Variants in ARHGEF38 observed in about 807,000 individuals in gnomAD.
ARHGEF38 encodes the protein Rho guanine nucleotide exchange factor 38, also known as Rho guanine nucleotide exchange factor (GEF) 38.
ARHGEF38 carries 79 observed loss-of-function variants against 79.9 expected under a neutral mutation model. The observed-to-expected ratio is 0.99, with a 90% CI of 0.82 to 1.19. The LOEUF is 1.19. Ranked by LOEUF, ARHGEF38 falls within the 50% of genes most tolerant of loss-of-function variation. The probability of loss-of-function intolerance (pLI) is 0.00; values close to 1 mark genes in which losing one functional copy is unlikely to be tolerated. For missense variants in ARHGEF38, 962 were observed against 907.2 expected, an observed-to-expected ratio of 1.06 and a Z score of -0.78; for synonymous variants, 366 against 328.3, an observed-to-expected ratio of 1.11 and a Z score of -1.24.
intron 5 of ARHGEF38, among the ~76,000 whole-genome samples, chr4:105,644,978 C>T (rs1578341908): frequency 6.6e-6 from 1 of 152,030 alleles, no homozygotes; most frequent in Admixed American, 6.6e-5. Context: ...GAAAGTTATA[C>T]TTGTTTCTTT....
intron 4 of ARHGEF38, among the ~76,000 whole-genome samples, chr4:105,635,205 C>T (rs1380385912): frequency 6.6e-6 from 1 of 152,018 alleles, no homozygotes. Context: ...TTAAATTCTT[C>T]CTTCCTGAAT....
intron 3 of ARHGEF38, among the ~76,000 whole-genome samples, chr4:105,624,985 C>T (rs28377155): frequency 0.035 from 5,367 of 152,294 alleles, 167 homozygotes; most frequent in African/African-American, 0.083. Flanking sequence ...GTTCATCACA[C>T]CCCCTTCTCT....
At chr4:105,598,734 T>C (rs1727693941) in intron 2 of ARHGEF38, among the ~76,000 whole-genome samples, 1 of 152,068 alleles carries the variant, frequency 6.6e-6, no homozygotes, top group Admixed American at 6.6e-5. Context: ...GCATTTATTA[T>C]ATAGTCTGGG....
intron 1 of ARHGEF38, among the ~76,000 whole-genome samples, chr4:105,576,241 A>G (rs940221717): frequency 1.3e-5 from 2 of 152,126 alleles, no homozygotes; most frequent in African/African-American, 4.8e-5. Flanking sequence ...TTTGGGCAGT[A>G]TGATCATTTT....
chr4:105,644,723 G>A (rs1729765162), intron 5 of ARHGEF38, among the ~76,000 whole-genome samples: 1 of 152,192 alleles, frequency 6.6e-6, no homozygotes, highest in Non-Finnish European at 1.5e-5. Context: ...TTCTCAATTT[G>A]GTGGAAGAGA....
chr4:105,589,876 C>T (rs563669852), intron 2 of ARHGEF38, among the ~76,000 whole-genome samples: 58 of 151,486 alleles, frequency 3.8e-4, no homozygotes, highest in African/African-American at 1.4e-3. Flanking sequence ...TACAAAATTA[C>T]AAAATACAAA....
chr4:105,569,146 TCTC>T (rs1726092666), intron 1 of ARHGEF38, among the ~76,000 whole-genome samples: 1 of 152,238 alleles, frequency 6.6e-6, no homozygotes. Flanking sequence ...TGTTTAATCA[TCTC>T]CTTGCCCATT....
chr4:105,611,569 A>T (rs1322260523), intron 2 of ARHGEF38, among the ~76,000 whole-genome samples: 1 of 152,056 alleles, frequency 6.6e-6, no homozygotes, highest in Non-Finnish European at 1.5e-5. Flanking sequence ...AAATTATTAA[A>T]TAATAACAAA....
At chr4:105,632,576 A>G (rs1158497653) in intron 4 of ARHGEF38, 2 of 152,236 alleles carry the variant, frequency 1.3e-5, no homozygotes, top group Non-Finnish European at 2.9e-5. Flanking sequence ...TTGGGAAAAA[A>G]AAGGAAATGG....
At chr4:105,673,585 G>C (rs1731024405) in intron 13 of ARHGEF38, among the ~76,000 whole-genome samples, 1 of 151,984 alleles carries the variant, frequency 6.6e-6, no homozygotes, top group South Asian at 2.1e-4. Flanking sequence ...AACATGAAGA[G>C]ATTTTCAAAA....
rs530846468 is a variant in ARHGEF38, at chr4:105,669,476, C to A, written c.2148+1773C>A. Among the ~76,000 whole-genome samples the A allele has an allele frequency of 8.5e-5, 13 of 152,170 alleles. No individual in the cohort carries two copies. In the South Asian group the frequency reaches 2.7e-3, roughly 32 times the overall value. ...GAGGGCCAAAGGTATGTACATTTAACGTCTTTATAGACATTGCCATACTGA... is the reference window on the plus strand; with the variant it reads ...GAGGGCCAAAGGTATGTACATTTAAAGTCTTTATAGACATTGCCATACTGA... On this transcript the variant is annotated intron_variant, in intron 13 of 13. Transcript: ENST00000420470.
intron 1 of ARHGEF38, among the ~76,000 whole-genome samples, chr4:105,585,306 G>A (rs1274982506): frequency 6.6e-6 from 1 of 152,150 alleles, no homozygotes; most frequent in Non-Finnish European, 1.5e-5. Context: ...TACAGGTAAG[G>A]AAACCAAGGC....
chr4:105,606,046 G>T (rs1728023640), intron 2 of ARHGEF38, among the ~76,000 whole-genome samples: 1 of 152,010 alleles, frequency 6.6e-6, no homozygotes, highest in Non-Finnish European at 1.5e-5. Context: ...GATGCATCCA[G>T]GCCTCACCAA....
intron 5 of ARHGEF38, among the ~76,000 whole-genome samples, chr4:105,642,502 T>C (rs1342747536): frequency 6.6e-6 from 1 of 152,154 alleles, no homozygotes; most frequent in African/African-American, 2.4e-5. Flanking sequence ...AGAGCCTAAG[T>C]TGGTTTTTTG....
At position 105,678,231 on chromosome 4, in the gene ARHGEF38, T is replaced by C. The variant is rs774617348; in HGVS notation, c.*294T>C. The C allele has an allele frequency of 2.8e-5, 7 of 246,168 alleles. No individual in the cohort carries two copies. The highest frequency in any genetic ancestry group is 5.4e-5 in the Non-Finnish European group (7 of 130,142). 15.2% of individuals were successfully genotyped at this position (246,168 alleles called of 1,614,324 possible). ...CTTTTGAAGGAGTAATTATATTCTT[T>C]TATCATCAAGAAAGGTTGGATCCAA... On this transcript the variant is annotated 3_prime_UTR_variant, in exon 14 of 14. Coordinates refer to ENST00000420470, the MANE Select transcript of ARHGEF38 (RefSeq NM_001242729.2).
chr4:105,658,465 A>C (rs1730426353), intron 9 of ARHGEF38, among the ~76,000 whole-genome samples: 1 of 152,200 alleles, frequency 6.6e-6, no homozygotes, highest in Non-Finnish European at 1.5e-5. Context: ...TTTCAAGATT[A>C]AAATACCTTT....
At chr4:105,580,176 G>A (rs971470598) in intron 1 of ARHGEF38, among the ~76,000 whole-genome samples, 11 of 152,016 alleles carry the variant, frequency 7.2e-5, no homozygotes, top group Non-Finnish European at 1.6e-4. Context: ...CTAGATCTTG[G>A]ATTCATTGAT....
In ARHGEF38 at chr4:105,648,538, T is replaced by C. The variant is rs750505634; in HGVS notation, c.875-11T>C. On this transcript the variant is annotated splice_polypyrimidine_tract_variant and intron_variant, in intron 6 of 13. Coordinates refer to ENST00000420470, the MANE Select transcript of ARHGEF38 (RefSeq NM_001242729.2). ...TGTGTTCAGCTACGTTATTACATTCTTCCTTTTCAGTTCTAAAATACAAGA... is the reference window on the plus strand; with the variant it reads ...TGTGTTCAGCTACGTTATTACATTCCTCCTTTTCAGTTCTAAAATACAAGA... 2.0e-6 allele frequency: 3 copies of C among 1,496,424 alleles called. No homozygotes were observed. In the African/African-American group the frequency reaches 4.2e-5, roughly 21 times the overall value. 92.7% of individuals were successfully genotyped at this position (1,496,424 alleles called of 1,614,324 possible).
chr4:105,591,594 C>T (rs1272632034), intron 2 of ARHGEF38, among the ~76,000 whole-genome samples: 2 of 152,180 alleles, frequency 1.3e-5, no homozygotes, highest in African/African-American at 2.4e-5. Context: ...GGTCAAGGCA[C>T]TTCTGACACA....
Sources: gnomAD v4.1 joint callset for allele counts (sites outside exome capture counted in the v4.1 genomes callset) on GRCh38, gnomAD v4.1.1 for gene constraint, MANE v1.5 for transcripts, NCBI Gene and HGNC (gene_info 2026-07-23, HGNC 2026-07-21) for gene names.